CORO2B: variants seen among roughly 807,000 people sequenced by gnomAD.
The protein encoded by CORO2B is coronin-2B.
A neutral mutation model predicts 58.8 loss-of-function variants in CORO2B; 26 were observed. The observed-to-expected ratio is 0.44, with a 90% CI of 0.32 to 0.61. The LOEUF is 0.61. Among genes scored for constraint, CORO2B ranks in the 20% least tolerant of loss-of-function variants. The pLI, the probability that CORO2B is intolerant of heterozygous loss-of-function variation, is 0.04. For missense variants in CORO2B, 460 were observed against 645.1 expected (o/e 0.71, Z 3.11); for synonymous variants, 242 against 253.8 (o/e 0.95, Z 0.44).
At chr15:68,556,822 C>T in the CORO2B span, among the ~76,000 whole-genome samples, 1 of 152,192 alleles carries the variant, frequency 6.6e-6, no homozygotes, top group African/African-American at 2.4e-5. Context: ...ATGGAGCCAC[C>T]TCTGCAGAGC....
At chr15:68,541,660 T>C in the CORO2B span, among the ~76,000 whole-genome samples, 1 of 152,232 alleles carries the variant, frequency 6.6e-6, no homozygotes, top group Non-Finnish European at 1.5e-5. Context: ...CAGTGCCCTA[T>C]GAATTATGAG....
At chr15:68,531,859 G>A in the CORO2B span, among the ~76,000 whole-genome samples, 1 of 149,616 alleles carries the variant, frequency 6.7e-6, no homozygotes. Context: ...TTGAATTTTA[G>A]CAGCTTTGTT....
At chr15:68,585,043 G>A (rs1043735056) in intron 1 of CORO2B, among the ~76,000 whole-genome samples, 3 of 152,234 alleles carry the variant, frequency 2.0e-5, no homozygotes, top group Non-Finnish European at 4.4e-5. Context: ...CCCCTGGAGG[G>A]ACTTTGTAAT....
intron 1 of CORO2B, among the ~76,000 whole-genome samples, chr15:68,598,401 A>G (rs1465973641): frequency 1.3e-5 from 2 of 152,224 alleles, no homozygotes; most frequent in African/African-American, 2.4e-5. Context: ...CTGCTTCTCT[A>G]TTTTGCGTGG....
intron 1 of CORO2B, among the ~76,000 whole-genome samples, chr15:68,629,977 C>A (rs923798668): frequency 1.4e-4 from 21 of 152,174 alleles, no homozygotes; most frequent in Non-Finnish European, 2.5e-4. Context: ...AGGCACCCTG[C>A]CCTGGAGGAG....
At chr15:68,707,661 G>A (rs1359860436) in intron 3 of CORO2B, among the ~76,000 whole-genome samples, 3 of 152,202 alleles carry the variant, frequency 2.0e-5, no homozygotes, top group Non-Finnish European at 4.4e-5. Context: ...TCCCTTCTGG[G>A]TAAAAAGAAA....
the CORO2B span, among the ~76,000 whole-genome samples, chr15:68,561,095 G>T: frequency 6.6e-6 from 1 of 152,134 alleles, no homozygotes; most frequent in African/African-American, 2.4e-5. Context: ...CGTCCCCCAG[G>T]CTCCCAGCAC....
intron 1 of CORO2B, among the ~76,000 whole-genome samples, chr15:68,637,109 C>T (rs140849033): frequency 2.6e-3 from 389 of 152,338 alleles, no homozygotes; most frequent in Middle Eastern, 0.014. Flanking sequence ...CATGCCTTCA[C>T]GACACACTCC....
At chr15:68,652,406 T>A (rs1371609457) in intron 2 of CORO2B, among the ~76,000 whole-genome samples, 1 of 152,108 alleles carries the variant, frequency 6.6e-6, no homozygotes, top group Non-Finnish European at 1.5e-5. Flanking sequence ...CACTGGGGCC[T>A]CCCCAGGGGC....
chr15:68,626,400 C>T (rs777612181), intron 1 of CORO2B, among the ~76,000 whole-genome samples: 45 of 151,716 alleles, frequency 3.0e-4, no homozygotes, highest in Admixed American at 2.3e-3. Context: ...TTAGAACATG[C>T]TTAATCACTG....
At chr15:68,536,258 T>C in the CORO2B span, among the ~76,000 whole-genome samples, 116 of 152,216 alleles carry the variant, frequency 7.6e-4, no homozygotes, top group Non-Finnish European at 1.4e-3. Context: ...GTAGGAATCT[T>C]GCATGAGTTT....
chr15:68,646,782 G>A (rs1453441065), intron 2 of CORO2B, among the ~76,000 whole-genome samples: 1 of 152,222 alleles, frequency 6.6e-6, no homozygotes, highest in East Asian at 1.9e-4. Flanking sequence ...CACACAACAT[G>A]TTAAGGATGT....
chr15:68,546,103 G>T, the CORO2B span, among the ~76,000 whole-genome samples: 2 of 152,064 alleles, frequency 1.3e-5, no homozygotes, highest in African/African-American at 2.4e-5. Context: ...AAATCGACTT[G>T]GTGCTCCTTC....
chr15:68,706,549 A>G (rs971049862), intron 3 of CORO2B, among the ~76,000 whole-genome samples: 19 of 152,054 alleles, frequency 1.2e-4, no homozygotes, highest in Non-Finnish European at 1.8e-4. Context: ...CAACTATTCT[A>G]CCTCAGTCAA....
At chr15:68,696,457 G>A (rs756801424) in intron 3 of CORO2B, among the ~76,000 whole-genome samples, 1 of 149,404 alleles carries the variant, frequency 6.7e-6, no homozygotes, top group Non-Finnish European at 1.5e-5. Context: ...GCTGAGGCAG[G>A]AGAATCACTT....
chr15:68,523,475 G>A, the CORO2B span, among the ~76,000 whole-genome samples: 6 of 152,114 alleles, frequency 3.9e-5, no homozygotes, highest in Non-Finnish European at 7.3e-5. Context: ...GGGACTATAG[G>A]CATGAGCCAC....
At chr15:68,560,886 C>T in the CORO2B span, among the ~76,000 whole-genome samples, 88 of 152,298 alleles carry the variant, frequency 5.8e-4, no homozygotes, top group Non-Finnish European at 1.0e-3. Flanking sequence ...GCTCTCCTCA[C>T]GATCTTGTGG....
At chr15:68,711,428 A>G in intron 4 of CORO2B, 114 bp from the exon 5 acceptor site, 1 of 828,602 alleles carries the variant, frequency 1.2e-6, no homozygotes, top group South Asian at 1.9e-5. Flanking sequence ...ACCCCAGCAC[A>G]CCCCAGGCCC....
At position 68,579,206 on chromosome 15, in the gene CORO2B, G is replaced by A; in HGVS notation, c.-57G>A. On this transcript the variant is annotated 5_prime_UTR_variant, in exon 1 of 12. Coordinates refer to ENST00000261861, the MANE Select transcript of CORO2B (RefSeq NM_006091.5). ...CCCCCTTCCGCCGCCGCCCCGGGCC[G>A]CCGCCGCCGCCCCCGCACGCCGCGC... 1 of 1,001,030 alleles carries A rather than the reference G, an allele frequency of 1.0e-6. No homozygotes were observed. The highest frequency in any genetic ancestry group is 1.2e-6 in the Non-Finnish European group (1 of 840,714). The allele number at this position is 1,001,030 out of a possible 1,614,324, so 62.0% of individuals were successfully genotyped here.
Sources: gnomAD v4.1 joint callset for allele counts (sites outside exome capture counted in the v4.1 genomes callset) on GRCh38, gnomAD v4.1.1 for gene constraint, MANE v1.5 for transcripts, NCBI Gene and HGNC (gene_info 2026-07-23, HGNC 2026-07-21) for gene names.